GRM1: variants seen among roughly 807,000 people sequenced by gnomAD.
GRM1 encodes metabotropic glutamate receptor 1.
In GRM1, 33 loss-of-function variants were observed where a neutral mutation model predicts 90.9. That is an observed-to-expected ratio of 0.36 (90% confidence interval 0.28 to 0.49). The LOEUF (loss-of-function observed/expected upper bound fraction) is 0.49, where lower values mean the gene tolerates loss of function less well. Ranked by LOEUF, GRM1 falls within the 20% of genes least tolerant of loss-of-function variation. The pLI is 0.99. For synonymous variants in GRM1, 700 were observed against 613.2 expected (o/e 1.14, Z -2.09); for missense variants, 1,190 against 1,534.3 (o/e 0.78, Z 3.75).
intron 1 of GRM1, among the ~76,000 whole-genome samples, chr6:146,090,402 A>G (rs544539802): frequency 6.6e-6 from 1 of 152,244 alleles, no homozygotes; most frequent in East Asian, 1.9e-4. Context: ...GACTCTGTGG[A>G]CTGTAACATA....
At chr6:146,256,688 C>A (rs1781490459) in intron 2 of GRM1, among the ~76,000 whole-genome samples, 1 of 152,042 alleles carries the variant, frequency 6.6e-6, no homozygotes, top group Non-Finnish European at 1.5e-5. Context: ...GGGTGGTGAC[C>A]CTGTGGACCT....
At chr6:146,049,449 C>A (rs1328634345) in intron 1 of GRM1, among the ~76,000 whole-genome samples, 1 of 152,008 alleles carries the variant, frequency 6.6e-6, no homozygotes, top group African/African-American at 2.4e-5. Flanking sequence ...CCAGGACTTG[C>A]ATCAGTAGCT....
At chr6:146,243,759 G>C (rs528992255) in intron 2 of GRM1, among the ~76,000 whole-genome samples, 1 of 152,184 alleles carries the variant, frequency 6.6e-6, no homozygotes, top group African/African-American at 2.4e-5. Context: ...GCAGACAACT[G>C]GTCTGACCAA....
chr6:146,123,067 A>G (rs1284093485), intron 1 of GRM1, among the ~76,000 whole-genome samples: 1 of 149,556 alleles, frequency 6.7e-6, no homozygotes, highest in Admixed American at 6.6e-5. Flanking sequence ...CTGGTCTCCA[A>G]CTCCTGACCT....
rs1396425680 is a variant in GRM1 at position 146,244,571 on chromosome 6, C to T, written c.951-60040C>T. Among the ~76,000 whole-genome samples the T allele has an allele frequency of 2.6e-5, 4 of 152,194 alleles. No individual in the cohort carries two copies. The South Asian group carries it at 6.2e-4, about 24-fold the overall frequency. On this transcript the variant is annotated intron_variant, in intron 2 of 7. Coordinates refer to ENST00000282753, the MANE Select transcript of GRM1 (RefSeq NM_001278064.2). ...AAAAAGTTGTTCAATCAGTTGGCAA[C>T]AGTTACCTTTCCTTCTATTCCAGCT...
chr6:146,129,859 G>A (rs1776328861), intron 1 of GRM1, among the ~76,000 whole-genome samples: 1 of 152,074 alleles, frequency 6.6e-6, no homozygotes, highest in Non-Finnish European at 1.5e-5. Flanking sequence ...ATCATGGTGT[G>A]TCCTGAGCCT....
chr6:146,385,738 G>A (rs1443032533), intron 5 of GRM1, among the ~76,000 whole-genome samples: 5 of 151,948 alleles, frequency 3.3e-5, no homozygotes, highest in Admixed American at 2.6e-4. Flanking sequence ...AATTCATTTG[G>A]GAAGGGTCTA....
chr6:146,098,224 T>A (rs1038113215), intron 1 of GRM1, among the ~76,000 whole-genome samples: 29 of 152,192 alleles, frequency 1.9e-4, no homozygotes, highest in African/African-American at 6.3e-4. Context: ...TATATTGGCA[T>A]GCTAAACTTT....
rs547747736 is a variant in GRM1 at position 146,372,860 on chromosome 6, T to C, written c.1603-14030T>C. On this transcript the variant is annotated intron_variant, in intron 5 of 7. Transcript: ENST00000282753. ...CAGTACTCTGCTGTTTTGGTTATTA[T>C]AGCTCTGTAGTATAATTTGAAGTCA... Among the ~76,000 whole-genome samples the C allele has an allele frequency of 1.1e-4, 16 of 152,296 alleles. No homozygotes were observed. The East Asian group carries it at 2.7e-3, about 26-fold the overall frequency.
chr6:146,245,161 T>A (rs532263371), intron 2 of GRM1, among the ~76,000 whole-genome samples: 127 of 152,156 alleles, frequency 8.3e-4, no homozygotes, highest in Non-Finnish European at 1.6e-3. Flanking sequence ...AAATATAAAT[T>A]TAATTGTATA....
chr6:146,251,704 A>T (rs1781285033), intron 2 of GRM1, among the ~76,000 whole-genome samples: 1 of 152,196 alleles, frequency 6.6e-6, no homozygotes, highest in South Asian at 2.1e-4. Flanking sequence ...TATGATCCTC[A>T]TAAATCAACT....
chr6:146,038,767 TG>T (rs1790985812), intron 1 of GRM1, among the ~76,000 whole-genome samples: 1 of 151,876 alleles, frequency 6.6e-6, no homozygotes, highest in South Asian at 2.1e-4. Flanking sequence ...CTGTTCTCTG[TG>T]GTGCTATAAC....
intron 5 of GRM1, among the ~76,000 whole-genome samples, chr6:146,386,123 T>C (rs1170116412): frequency 2.6e-5 from 4 of 152,040 alleles, no homozygotes; most frequent in Non-Finnish European, 5.9e-5. Flanking sequence ...TAGAGATAAA[T>C]GCAAGACCAA....
chr6:146,105,140 G>A (rs1280812751), intron 1 of GRM1, among the ~76,000 whole-genome samples: 1 of 152,108 alleles, frequency 6.6e-6, no homozygotes, highest in Non-Finnish European at 1.5e-5. Flanking sequence ...ATAAGCAATT[G>A]GAAATGATTA....
At chr6:146,336,599 G>A (rs1343713634) in intron 3 of GRM1, among the ~76,000 whole-genome samples, 9 of 152,198 alleles carry the variant, frequency 5.9e-5, no homozygotes, top group Non-Finnish European at 1.3e-4. Context: ...CATCAGCTGT[G>A]CTGTGAGTGT....
At chr6:146,140,742 T>G (rs1654304548) in intron 1 of GRM1, among the ~76,000 whole-genome samples, 3 of 152,186 alleles carry the variant, frequency 2.0e-5, no homozygotes. Flanking sequence ...CTTTTTAACT[T>G]TGTTGAAAAA....
intron 2 of GRM1, 26 bp from the exon 3 acceptor site, chr6:146,304,585 C>T: frequency 6.9e-7 from 1 of 1,453,966 alleles, no homozygotes; most frequent in South Asian, 1.1e-5. Flanking sequence ...TTTCTCTCTC[C>T]CTACCCCAAT....
intron 2 of GRM1, among the ~76,000 whole-genome samples, chr6:146,250,204 G>A (rs1781221922): frequency 1.3e-5 from 2 of 152,164 alleles, no homozygotes; most frequent in Non-Finnish European, 2.9e-5. Context: ...GACTTTAGGG[G>A]ACTGTTGGGA....
At chr6:146,388,881 G>A (rs1329801491) in intron 6 of GRM1, among the ~76,000 whole-genome samples, 1 of 151,972 alleles carries the variant, frequency 6.6e-6, no homozygotes, top group Non-Finnish European at 1.5e-5. Context: ...ACTCACCCAG[G>A]GTCATCGAGG....
Sources: gnomAD v4.1 joint callset for allele counts (sites outside exome capture counted in the v4.1 genomes callset) on GRCh38, gnomAD v4.1.1 for gene constraint, MANE v1.5 for transcripts, NCBI Gene and HGNC (gene_info 2026-07-23, HGNC 2026-07-21) for gene names.